Variants in CLUL1 observed in about 807,000 individuals in gnomAD.
CLUL1 encodes the protein clusterin like 1.
CLUL1 carries 43 observed loss-of-function variants against 49.4 expected under a neutral mutation model. The observed-to-expected ratio is 0.87, with a 90% CI of 0.68 to 1.12. CLUL1 has a LOEUF of 1.12. CLUL1 is among the 50% of genes most tolerant of loss of function. The probability of loss-of-function intolerance (pLI) is 0.00; values close to 1 mark genes in which losing one functional copy is unlikely to be tolerated. For synonymous variants in CLUL1, 192 were observed against 184.9 expected, an observed-to-expected ratio of 1.04 and a Z score of -0.31; for missense variants, 486 against 544.4, an observed-to-expected ratio of 0.89 and a Z score of 1.07.
chr18:622,482 G>A (rs1229424086), intron 4 of CLUL1, among the ~76,000 whole-genome samples: 2 of 152,146 alleles, frequency 1.3e-5, no homozygotes, highest in African/African-American at 2.4e-5. Context: ...TAGCGCTTTT[G>A]ATAAACTGTC....
chr18:622,185 T>A (rs769013639), intron 4 of CLUL1, among the ~76,000 whole-genome samples: 2 of 152,196 alleles, frequency 1.3e-5, no homozygotes, highest in African/African-American at 4.8e-5. Flanking sequence ...TCAAGAGTAC[T>A]GCTCAGTGGT....
In CLUL1 at chr18:606,289, T is replaced by C. The variant is rs1420144621; in HGVS notation, c.-135-689T>C. On this transcript the variant is annotated intron_variant, in intron 1 of 9. Coordinates refer to ENST00000692774, the MANE Select transcript of CLUL1 (RefSeq NM_001393344.1). This position sits in a 1 kb window ranked among gnomAD's most constrained non-coding sequence, Gnocchi z 4.1. ...CCCTCAATCCCCCTTTTCCAAGATG[T>C]GCACAGCCTGACTCCTAACTCCCCA... 6.6e-6 allele frequency among the ~76,000 whole-genome samples: 1 copy of C among 152,086 alleles called. No individual in the cohort carries two copies. The highest frequency in any genetic ancestry group is 2.4e-5 in the African/African-American group (1 of 41,408).
rs942247860 is a variant in CLUL1, at chr18:600,546, C to T, written c.-136+3417C>T. On this transcript the variant is annotated intron_variant, in intron 1 of 9. Coordinates refer to ENST00000692774, the MANE Select transcript of CLUL1 (RefSeq NM_001393344.1). ...GCAGTTTACAGAGAAGAAGGCTTGG[C>T]GAGGTGTTTGGAAATACACTCAGAA... 6.6e-5 allele frequency among the ~76,000 whole-genome samples: 10 copies of T among 152,012 alleles called. No individual in the cohort carries two copies. In the East Asian group the frequency reaches 1.5e-3, roughly 23 times the overall value.
rs1260390469 is a variant in CLUL1, at chr18:645,807, AAAAATATATATATATATATATATATATAT to A, written c.1397+712_1397+740del. 2.7e-4 allele frequency among the ~76,000 whole-genome samples: 19 copies of A among 69,164 alleles called. 3 individuals carry two copies. Among genetic ancestry groups the A allele is most frequent in the Non-Finnish European group, 4.3e-4 (16 of 37,338 alleles). 45.4% of individuals were successfully genotyped at this position (69,164 alleles called of 152,430 possible). A position where few individuals can be genotyped will look rare whatever the true frequency, so the allele number is the denominator to read the frequency against. On this transcript the variant is annotated intron_variant, in intron 9 of 9. Coordinates refer to ENST00000692774, the MANE Select transcript of CLUL1 (RefSeq NM_001393344.1). ...AGACTCTGTTTAAAAAAAAAAAAAA[AAAAATATATATATATATATATATATATAT>A]ATATATATATATATATGTTAAACAT...
chr18:639,637 C>T (rs868133175), intron 7 of CLUL1, among the ~76,000 whole-genome samples: 6 of 147,924 alleles, frequency 4.1e-5, no homozygotes, highest in South Asian at 4.3e-4. Context: ...TGGTGGCATG[C>T]GCCTGTAGTC....
intron 6 of CLUL1, among the ~76,000 whole-genome samples, chr18:627,790 GA>G (rs199849611): frequency 3.6e-4 from 52 of 145,260 alleles, no homozygotes; most frequent in Middle Eastern, 3.5e-3. Flanking sequence ...TTGAGAACTT[GA>G]AAAAAAAAAA....
Position 641,365 on chromosome 18 carries a change from G to A in CLUL1, c.1033G>A (p.Glu345Lys), listed in dbSNP as rs527661052. The A allele has an allele frequency of 4.3e-5, 69 of 1,614,120 alleles. No individual in the cohort carries two copies. Among genetic ancestry groups the A allele is most frequent in the South Asian group, 2.0e-4 (18 of 91,076 alleles). Residue 345 changes from glutamate to lysine, a missense_variant, in exon 8 of 10, where the codon GAG becomes AAG. By Grantham distance (56) the Glu-to-Lys change is moderately conservative. Transcript: ENST00000692774. ...ACCTGCTCTGCACACAGAATTAGAC[G>A]AGGCGATCAGGTTGGTCAATGTATC... ...DVPALHTELD[E>K]AIRLVNVSNQ...
At chr18:640,498 CTTTTT>C (rs887688830) in intron 7 of CLUL1, among the ~76,000 whole-genome samples, 4 of 150,968 alleles carry the variant, frequency 2.6e-5, no homozygotes, top group African/African-American at 9.7e-5. Flanking sequence ...GATAATTTTT[CTTTTT>C]TAACAATATA....
Position 641,327 on chromosome 18 carries a change from A to G in CLUL1, c.995A>G (p.Asp332Gly), listed in dbSNP as rs2074337819. The change falls in exon 8 of 10, where the codon GAC (aspartate) becomes GGC (glycine). Residue 332 changes from aspartate to glycine, a missense_variant and splice_region_variant. By Grantham distance (94) the Asp-to-Gly change is moderately conservative. Coordinates refer to ENST00000692774, the MANE Select transcript of CLUL1 (RefSeq NM_001393344.1). ...TCCACATTACTTTCTTCTCTGCTAG[A>G]CTGTCCTGATGTACCTGCTCTGCAC... ...CQKCQAHLSE[D>G]CPDVPALHTE... 6.2e-7 allele frequency: 1 copy of G among 1,613,920 alleles called. No individual in the cohort carries two copies. Among genetic ancestry groups the G allele is most frequent in the Non-Finnish European group, 8.5e-7 (1 of 1,179,956 alleles).
intron 2 of CLUL1, among the ~76,000 whole-genome samples, chr18:616,507 A>G (rs529678358): frequency 1.3e-5 from 2 of 152,228 alleles, no homozygotes; most frequent in South Asian, 4.1e-4. Context: ...ACACATTTGT[A>G]TATAGGAAGG....
At chr18:609,487 T>G (rs971372770) in intron 2 of CLUL1, among the ~76,000 whole-genome samples, 14 of 152,128 alleles carry the variant, frequency 9.2e-5, no homozygotes, top group African/African-American at 2.9e-4. Context: ...CCCCATCACA[T>G]GAGGTTAAGT....
chr18:629,431 G>A (rs2073920822), intron 6 of CLUL1, among the ~76,000 whole-genome samples: 1 of 152,166 alleles, frequency 6.6e-6, no homozygotes, highest in East Asian at 1.9e-4. Context: ...ACAAGCATTG[G>A]TTACATTCCC....
chr18:610,608 A>G (rs1312308282), intron 2 of CLUL1, among the ~76,000 whole-genome samples: 1 of 152,182 alleles, frequency 6.6e-6, no homozygotes, highest in African/African-American at 2.4e-5. Context: ...ACCCAGGACA[A>G]AGCCCCAGGG....
chr18:648,602 A>G lies in CLUL1; in HGVS notation c.1398-1296A>G, dbSNP rs182608850. On this transcript the variant is annotated intron_variant, in intron 9 of 9. Coordinates refer to ENST00000692774, the MANE Select transcript of CLUL1 (RefSeq NM_001393344.1). ...TCTGGATATATATATATATATAGCT[A>G]TATATAGCTAAATTTAATAACAGCA... 2.3e-3 allele frequency among the ~76,000 whole-genome samples: 355 copies of G among 152,130 alleles called. 4 individuals carry two copies. Among genetic ancestry groups the G allele is most frequent in the African/African-American group, 8.0e-3 (334 of 41,504 alleles).
rs1486149584 is a variant in CLUL1, at chr18:619,251, G to A, written c.145G>A (p.Val49Met). 1 of 1,613,938 alleles carries A rather than the reference G, an allele frequency of 6.2e-7. No individual in the cohort carries two copies. Among genetic ancestry groups the A allele is most frequent in the Non-Finnish European group, 8.5e-7 (1 of 1,179,934 alleles). The change falls in exon 4 of 10, where the codon GTG becomes ATG. Residue 49 changes from valine (V) to methionine (M), a missense_variant. Transcript: ENST00000692774. ...GGGGGAGATAGATGCAGATGAAGAGGTGAAGAAGGCTTTGACTGGTATTAA... is the reference window on the plus strand; with the variant it reads ...GGGGGAGATAGATGCAGATGAAGAGATGAAGAAGGCTTTGACTGGTATTAA... Reference protein sequence around the residue: ...EVGEIDADEEVKKALTGIKQM... With the variant: ...EVGEIDADEEMKKALTGIKQM...
rs1292817039 is a variant in CLUL1 at position 645,809 on chromosome 18, AAATATATATAT to A, written c.1397+714_1397+724del. Among the ~76,000 whole-genome samples, 8 of 70,470 alleles carry A rather than the reference AAATATATATAT, an allele frequency of 1.1e-4. No homozygotes were observed. In the East Asian group the frequency reaches 1.9e-3, roughly 16 times the overall value. The allele number at this position is 70,470 out of a possible 152,430, so 46.2% of individuals were successfully genotyped here. ...ACTCTGTTTAAAAAAAAAAAAAAAA[AAATATATATAT>A]ATATATATATATATATATATATATA... is the stretch of plus-strand genomic sequence containing the variant. On this transcript the variant is annotated intron_variant, in intron 9 of 9. Transcript: ENST00000692774.
At chr18:597,357 C>T (rs2072679477) in intron 1 of CLUL1, among the ~76,000 whole-genome samples, 2 of 152,172 alleles carry the variant, frequency 1.3e-5, no homozygotes, top group Non-Finnish European at 2.9e-5. Flanking sequence ...TGTTCCAATA[C>T]GTTTATTCTC....
In CLUL1 at chr18:626,889, A is replaced by C. The variant is rs140374556; in HGVS notation, c.424-208A>C. 1.6e-4 allele frequency among the ~76,000 whole-genome samples: 4 copies of C among 25,130 alleles called. 1 individual carries two copies. In the Admixed American group the frequency reaches 1.8e-3, roughly 11 times the overall value. 16.5% of individuals were successfully genotyped at this position (25,130 alleles called of 152,430 possible). ...TAAGAAAGAAAGAAAGAAAGAAAGA[A>C]AGAAAGAAAGAAAGAAAGAAAGAAA... On this transcript the variant is annotated intron_variant, in intron 5 of 9. Transcript: ENST00000692774.
chr18:628,639 C>CTT (rs577855173), intron 6 of CLUL1, among the ~76,000 whole-genome samples: 2,043 of 137,544 alleles, frequency 0.015, 56 homozygotes, highest in African/African-American at 0.051. Flanking sequence ...TTTCTTTTTT[C>CTT]TTTTTTTTTT....
Sources: allele counts gnomAD v4.1 joint callset (sites outside exome capture counted in the v4.1 genomes callset), GRCh38; gene constraint gnomAD v4.1.1; non-coding constraint Gnocchi (gnomAD v3.1); transcripts MANE v1.5; gene names NCBI Gene and HGNC (gene_info 2026-07-23, HGNC 2026-07-21).